The following LRRC4C variants were observed in gnomAD, a reference collection of about 807,000 sequenced individuals.
LRRC4C encodes the protein leucine rich repeat containing 4C.
In LRRC4C, 5 loss-of-function variants were observed where a neutral mutation model predicts 33.6. The observed-to-expected ratio is 0.15, with a 90% CI of 0.08 to 0.31. The LOEUF (loss-of-function observed/expected upper bound fraction) is 0.31. Among genes scored for constraint, LRRC4C ranks in the 10% least tolerant of loss-of-function variants. The probability of loss-of-function intolerance (pLI) is 1.00; values close to 1 mark genes in which losing one functional copy is unlikely to be tolerated. For missense variants in LRRC4C, 560 were observed against 796.7 expected (o/e 0.70, Z 3.58); for synonymous variants, 329 against 302.0 (o/e 1.09, Z -0.93).
Position 40,858,016 on chromosome 11 carries a change from AGGAAGGGAAGGGAAG to A in LRRC4C, c.-407+75604_-407+75618del, listed in dbSNP as rs146464048. On this transcript the variant is annotated intron_variant, in intron 2 of 6. Transcript: ENST00000528697. ...CAGGGACAGGGACAGGGACAAGGAAAGGAAGGGAAGGGAAGGGAAGGGAAGGGAAGGGAAGGGAAA... is the reference window on the plus strand; with the variant it reads ...CAGGGACAGGGACAGGGACAAGGAAAGGAAGGGAAGGGAAGGGAAGGGAAA... 3.6e-5 allele frequency among the ~76,000 whole-genome samples: 5 copies of A among 139,226 alleles called. 1 individual carries two copies. In the South Asian group the frequency reaches 1.2e-3, roughly 34 times the overall value. The allele number at this position is 139,226 out of a possible 152,430, so 91.3% of individuals were successfully genotyped here. A position where few individuals can be genotyped will look rare whatever the true frequency, so the allele number is the denominator to read the frequency against.
chr11:41,129,693 T>A (rs1164283602), intron 1 of LRRC4C, among the ~76,000 whole-genome samples: 1 of 151,996 alleles, frequency 6.6e-6, no homozygotes, highest in African/African-American at 2.4e-5. Context: ...GCAGATTTCT[T>A]AGAATTCCAC....
chr11:41,386,342 C>T (rs1953359344), intron 1 of LRRC4C, among the ~76,000 whole-genome samples: 1 of 151,606 alleles, frequency 6.6e-6, no homozygotes, highest in Non-Finnish European at 1.5e-5. Context: ...TAATTTTTGA[C>T]TTATGGAGGA....
intron 2 of LRRC4C, among the ~76,000 whole-genome samples, chr11:40,818,698 TG>T (rs1402239471): frequency 1.3e-5 from 2 of 152,092 alleles, no homozygotes. Context: ...CGAGATTTCA[TG>T]TTGAAATACT....
chr11:40,928,458 T>A (rs1957483729), intron 2 of LRRC4C, among the ~76,000 whole-genome samples: 1 of 151,882 alleles, frequency 6.6e-6, no homozygotes, highest in Non-Finnish European at 1.5e-5. Context: ...ATTCACAATA[T>A]GGGAGTAGTG....
intron 3 of LRRC4C, among the ~76,000 whole-genome samples, chr11:40,453,550 G>A (rs1951992067): frequency 6.7e-6 from 1 of 149,336 alleles, no homozygotes; most frequent in African/African-American, 2.5e-5. Flanking sequence ...AAGAGAGGAG[G>A]ACATTTCTAT....
At chr11:41,321,444 T>C (rs1348384969) in intron 1 of LRRC4C, among the ~76,000 whole-genome samples, 2 of 152,184 alleles carry the variant, frequency 1.3e-5, no homozygotes, top group Non-Finnish European at 2.9e-5. Context: ...TACTGTCCGA[T>C]AGACTTATTC....
chr11:41,333,783 T>C (rs1951367975), intron 1 of LRRC4C, among the ~76,000 whole-genome samples: 1 of 152,248 alleles, frequency 6.6e-6, no homozygotes, highest in African/African-American at 2.4e-5. Context: ...TTACACATCA[T>C]CATTAATCTG....
chr11:40,647,270 C>T (rs546523707), intron 3 of LRRC4C, among the ~76,000 whole-genome samples: 1 of 152,120 alleles, frequency 6.6e-6, no homozygotes, highest in Admixed American at 6.5e-5. Flanking sequence ...CTTAAAGCAG[C>T]AAAAATAATT....
intron 2 of LRRC4C, among the ~76,000 whole-genome samples, chr11:40,801,450 T>C (rs142720158): frequency 2.0e-5 from 3 of 152,314 alleles, no homozygotes; most frequent in East Asian, 3.9e-4. Flanking sequence ...TTCTTTCTTA[T>C]GTTACAGTGG....
At chr11:41,236,222 A>G (rs1948016487) in intron 1 of LRRC4C, among the ~76,000 whole-genome samples, 2 of 152,098 alleles carry the variant, frequency 1.3e-5, no homozygotes, top group Admixed American at 1.3e-4. Context: ...GCTCTGAACT[A>G]AGAATGTCAG....
chr11:40,623,472 C>T (rs4529873), intron 3 of LRRC4C, among the ~76,000 whole-genome samples: 145,043 of 151,948 alleles, frequency 0.95, 69,564 homozygotes, highest in Middle Eastern at 1. Flanking sequence ...TTCATACTCA[C>T]TTTCTTGACA....
intron 3 of LRRC4C, among the ~76,000 whole-genome samples, chr11:40,477,915 G>T (rs1035259470): frequency 2.6e-5 from 4 of 151,438 alleles, no homozygotes; most frequent in Admixed American, 2.0e-4. Context: ...GAATCATGGG[G>T]GCAGGTCTTT....
At chr11:41,411,399 C>G (rs1321856616) in intron 1 of LRRC4C, among the ~76,000 whole-genome samples, 1 of 151,570 alleles carries the variant, frequency 6.6e-6, no homozygotes, top group Non-Finnish European at 1.5e-5. Context: ...CCGCCCACCT[C>G]CGCCTCCCAA....
At chr11:41,414,818 G>T (rs1419973207) in intron 1 of LRRC4C, among the ~76,000 whole-genome samples, 1 of 151,892 alleles carries the variant, frequency 6.6e-6, no homozygotes, top group Non-Finnish European at 1.5e-5. Context: ...TTGAATAATG[G>T]TACTCTAAAA....
At chr11:40,917,560 A>T (rs1458972405) in intron 2 of LRRC4C, among the ~76,000 whole-genome samples, 1 of 152,126 alleles carries the variant, frequency 6.6e-6, no homozygotes, top group African/African-American at 2.4e-5. Context: ...GACACAACAG[A>T]CATAATGGAG....
chr11:41,360,019 C>G (rs1409771233), intron 1 of LRRC4C, among the ~76,000 whole-genome samples: 4 of 152,150 alleles, frequency 2.6e-5, no homozygotes, highest in African/African-American at 9.7e-5. Context: ...CCCGTCTCTA[C>G]TAAAAATACA....
chr11:41,110,971 C>T (rs1941795973), intron 1 of LRRC4C, among the ~76,000 whole-genome samples: 1 of 151,948 alleles, frequency 6.6e-6, no homozygotes, highest in South Asian at 2.1e-4. Flanking sequence ...TGAGTTGTAA[C>T]CCAAGAATTT....
intron 2 of LRRC4C, among the ~76,000 whole-genome samples, chr11:40,738,440 A>T (rs1364461393): frequency 1.3e-5 from 2 of 152,064 alleles, no homozygotes; most frequent in Non-Finnish European, 2.9e-5. Flanking sequence ...TCTATTTCTA[A>T]TGTCTCTCTA....
At chr11:41,260,417 G>A (rs918881016) in intron 1 of LRRC4C, among the ~76,000 whole-genome samples, 1 of 151,942 alleles carries the variant, frequency 6.6e-6, no homozygotes, top group African/African-American at 2.4e-5. Context: ...ATGAAATGAA[G>A]ATCGTCTCCG....
Sources: allele counts gnomAD v4.1 joint callset (sites outside exome capture counted in the v4.1 genomes callset), GRCh38; gene constraint gnomAD v4.1.1; transcripts MANE v1.5; gene names NCBI Gene and HGNC (gene_info 2026-07-23, HGNC 2026-07-21).